The following RNF150 variants were observed in gnomAD, a reference collection of about 807,000 sequenced individuals.
The protein encoded by RNF150 is ring finger protein 150.
RNF150 carries 24 observed loss-of-function variants against 39.3 expected under a neutral mutation model. The ratio of observed to expected loss-of-function variants is 0.61; its 90% CI spans 0.44 to 0.86. The LOEUF (loss-of-function observed/expected upper bound fraction) is 0.86, where lower values mean the gene tolerates loss of function less well. Among genes scored for constraint, RNF150 ranks in the 40% least tolerant of loss-of-function variants. RNF150 has a pLI of 0.00. For missense variants in RNF150, 502 were observed against 587.8 expected (o/e 0.85, Z 1.51); for synonymous variants, 255 against 227.3 (o/e 1.12, Z -1.10).
intron 1 of RNF150, among the ~76,000 whole-genome samples, chr4:141,146,323 C>T (rs187139): frequency 0.71 from 107,313 of 152,148 alleles, 39,406 homozygotes; most frequent in East Asian, 0.97. Context: ...CCTTCTTCAA[C>T]GTTTTTTATC....
At position 141,132,366 on chromosome 4, in the gene RNF150, A is replaced by G; in HGVS notation, c.443T>C (p.Val148Ala). 1.9e-6 allele frequency: 3 copies of G among 1,596,214 alleles called. No homozygotes were observed. The highest frequency in any genetic ancestry group is 2.6e-6 in the Non-Finnish European group (3 of 1,171,842). Residue 148 changes from valine to alanine, a missense_variant, in exon 1 of 7, where the codon GTG becomes GCG. Transcript: ENST00000515673. The surrounding 1 kb of genome is among the most constrained non-coding windows in gnomAD (Gnocchi z 4.9). The stretch of plus-strand genomic sequence containing the variant: ...GATGGTCTCGTTGGTGTTGGAGCCC[A>G]CGTTGAAGATGACCACGGCTGAGGC... ...QNASAVVIFN[V>A]GSNTNETITM...
At chr4:141,205,819 GT>G (rs1027784890) in intron 1 of RNF150, among the ~76,000 whole-genome samples, 11 of 152,120 alleles carry the variant, frequency 7.2e-5, no homozygotes, top group Admixed American at 7.2e-4. Context: ...CTATTTCCTA[GT>G]TTTGGTCAGT....
At chr4:141,058,501 C>A (rs1264839720) in intron 1 of RNF150, among the ~76,000 whole-genome samples, 1 of 152,126 alleles carries the variant, frequency 6.6e-6, no homozygotes, top group African/African-American at 2.4e-5. Context: ...TCACTGAAAT[C>A]ATGTTTAGTA....
intron 1 of RNF150, among the ~76,000 whole-genome samples, chr4:141,066,916 G>A (rs1334379419): frequency 6.6e-6 from 1 of 152,112 alleles, no homozygotes; most frequent in Non-Finnish European, 1.5e-5. Context: ...AGATGGTACA[G>A]CCTACTACAC....
intron 5 of RNF150, among the ~76,000 whole-genome samples, chr4:140,917,877 A>T (rs1022573946): frequency 6.6e-6 from 1 of 152,024 alleles, no homozygotes; most frequent in Non-Finnish European, 1.5e-5. Flanking sequence ...AGAACTCCGG[A>T]TTAAGAAACT....
At chr4:141,185,960 G>A (rs770280187) in intron 1 of RNF150, among the ~76,000 whole-genome samples, 131 of 152,266 alleles carry the variant, frequency 8.6e-4, no homozygotes, top group Non-Finnish European at 1.4e-3. Flanking sequence ...TTTTTGCATC[G>A]ATGTTCATCA....
chr4:141,127,352 A>G (rs1249086468), intron 1 of RNF150, among the ~76,000 whole-genome samples: 2 of 152,244 alleles, frequency 1.3e-5, no homozygotes, highest in African/African-American at 4.8e-5. Flanking sequence ...TGCTAAAAAA[A>G]TAAAAGAGAG....
chr4:141,009,125 G>A (rs995698027), intron 1 of RNF150, among the ~76,000 whole-genome samples: 3 of 152,232 alleles, frequency 2.0e-5, no homozygotes, highest in Admixed American at 6.5e-5. Flanking sequence ...TATCAAGAAC[G>A]TGGAGCAACT....
At chr4:140,948,606 T>A (rs533567370) in intron 3 of RNF150, among the ~76,000 whole-genome samples, 212 of 151,948 alleles carry the variant, frequency 1.4e-3, no homozygotes, top group African/African-American at 4.0e-3. Flanking sequence ...GTTTTGATTT[T>A]AAAAAAAAAT....
chr4:140,922,015 T>G (rs201891406), intron 5 of RNF150, among the ~76,000 whole-genome samples: 5 of 146,030 alleles, frequency 3.4e-5, no homozygotes, highest in Non-Finnish European at 7.6e-5. Flanking sequence ...CAATATCATA[T>G]TGAATGGGCA....
chr4:141,040,093 T>C (rs991909726), intron 1 of RNF150, among the ~76,000 whole-genome samples: 7 of 152,052 alleles, frequency 4.6e-5, no homozygotes, highest in Admixed American at 2.0e-4. Context: ...AACTTACCTT[T>C]GCTGCTATGT....
At chr4:140,882,414 G>T (rs768903523) in intron 6 of RNF150, among the ~76,000 whole-genome samples, 1 of 152,038 alleles carries the variant, frequency 6.6e-6, no homozygotes, top group Non-Finnish European at 1.5e-5. Flanking sequence ...GCTACTGTTG[G>T]GTGGAGTGTC....
chr4:141,053,433 A>T (rs1736854078), intron 1 of RNF150, among the ~76,000 whole-genome samples: 1 of 152,154 alleles, frequency 6.6e-6, no homozygotes, highest in Non-Finnish European at 1.5e-5. Context: ...AAGAGAAGGG[A>T]GTGATATATG....
rs564021612 is a variant in RNF150, at chr4:140,911,030, A to G, written c.1198+114T>C. The G allele has an allele frequency of 3.7e-6, 3 of 819,200 alleles. No individual in the cohort carries two copies. The African/African-American group carries it at 5.1e-5, about 14-fold the overall frequency. The allele number at this position is 819,200 out of a possible 1,614,324, so 50.7% of individuals were successfully genotyped here. ...GCTGGCAGTTATAACTGATGAACCT[A>G]GCAATGATGTACTCATTCAATATTT... On this transcript the variant is annotated intron_variant, in intron 6 of 6. Coordinates refer to ENST00000515673, the MANE Select transcript of RNF150 (RefSeq NM_020724.2).
intron 1 of RNF150, among the ~76,000 whole-genome samples, chr4:141,106,719 G>A (rs139945938): frequency 3.9e-4 from 59 of 152,180 alleles, no homozygotes; most frequent in Non-Finnish European, 8.1e-4. Flanking sequence ...GCTTGAACCC[G>A]GGAGGCGGAA....
chr4:141,201,006 A>C (rs1018131688), intron 1 of RNF150, among the ~76,000 whole-genome samples: 1 of 152,188 alleles, frequency 6.6e-6, no homozygotes, highest in Admixed American at 6.5e-5. Flanking sequence ...CAGTAGGGTA[A>C]TTCACTTGCC....
chr4:141,081,593 T>C (rs1314114896), intron 1 of RNF150, among the ~76,000 whole-genome samples: 1 of 152,194 alleles, frequency 6.6e-6, no homozygotes, highest in Non-Finnish European at 1.5e-5. Flanking sequence ...CCCTGAATAC[T>C]GGTTAAAGGA....
intron 1 of RNF150, among the ~76,000 whole-genome samples, chr4:141,145,292 A>G (rs966174523): frequency 6.6e-6 from 1 of 152,246 alleles, no homozygotes; most frequent in African/African-American, 2.4e-5. Context: ...ACATTGACCT[A>G]TGAAGAAATA....
chr4:140,909,948 T>C lies in RNF150; in HGVS notation c.1198+1196A>G, dbSNP rs1014060908. Among the ~76,000 whole-genome samples the C allele has an allele frequency of 3.3e-5, 5 of 152,320 alleles. No homozygotes were observed. The East Asian group carries it at 9.6e-4, about 29-fold the overall frequency. ...AAAATGGTATGGTTACAATATTCAA[T>C]GTTCAAATCCCATGGATCATCTCAA... On this transcript the variant is annotated intron_variant, in intron 6 of 6. Transcript: ENST00000515673.
Sources: gnomAD v4.1 joint callset for allele counts (sites outside exome capture counted in the v4.1 genomes callset) on GRCh38, gnomAD v4.1.1 for gene constraint, Gnocchi (gnomAD v3.1) non-coding constraint, MANE v1.5 for transcripts, NCBI Gene and HGNC (gene_info 2026-07-23, HGNC 2026-07-21) for gene names.